Variants in YWHAZ observed in about 807,000 individuals in gnomAD.
The protein encoded by YWHAZ is tyrosine 3-monooxygenase/tryptophan 5-monooxygenase activation protein zeta, also known as 14-3-3 protein zeta/delta.
For synonymous variants in YWHAZ, 87 were observed against 103.6 expected, an observed-to-expected ratio of 0.84 and a Z score of 0.97; for missense variants, 79 against 284.8, an observed-to-expected ratio of 0.28 and a Z score of 5.20.
At chr8:100,949,899 CAA>C (rs1405918111) in intron 1 of YWHAZ, among the ~76,000 whole-genome samples, 2 of 152,178 alleles carry the variant, frequency 1.3e-5, no homozygotes, top group African/African-American at 4.8e-5. Flanking sequence ...CCGAACAGCA[CAA>C]AGATACTAAT....
At chr8:100,939,796 C>T (rs1276237824) in intron 2 of YWHAZ, among the ~76,000 whole-genome samples, 4 of 152,076 alleles carry the variant, frequency 2.6e-5, no homozygotes, top group African/African-American at 7.2e-5. Context: ...CCGAGGCAGG[C>T]GGATCACGAG....
rs1370854741 is a variant in YWHAZ at position 100,948,183 on chromosome 8, C to T, written c.294+413G>A. On this transcript the variant is annotated intron_variant, in intron 2 of 5. Transcript: ENST00000395958. This position sits in a 1 kb window ranked among gnomAD's most constrained non-coding sequence, Gnocchi z 4.2. ...ATAGCGGCTAATCCTGAGAAGAGTACTATTTCTACAATGAGTATCCTATTA... is the reference window on the plus strand; with the variant it reads ...ATAGCGGCTAATCCTGAGAAGAGTATTATTTCTACAATGAGTATCCTATTA... 3 of 1,498,064 alleles carry T rather than the reference C, an allele frequency of 2.0e-6. No individual in the cohort carries two copies. Among genetic ancestry groups the T allele is most frequent in the Non-Finnish European group, 2.7e-6 (3 of 1,122,378 alleles). 92.8% of individuals were successfully genotyped at this position (1,498,064 alleles called of 1,614,324 possible). A position where few individuals can be genotyped will look rare whatever the true frequency, so the allele number is the denominator to read the frequency against.
chr8:100,917,913 T>C lies in YWHAZ; in HGVS notation c.*2780A>G, dbSNP rs1290290812. Reference sequence around the variant, plus strand: ...CAGGTTGGAAATTTTCCTTAATCTATTGGGAACTACTATGTAGAAAACATT... The same window carrying C: ...CAGGTTGGAAATTTTCCTTAATCTACTGGGAACTACTATGTAGAAAACATT... On this transcript the variant is annotated 3_prime_UTR_variant, in exon 6 of 6. Transcript: ENST00000395958. 6.6e-6 allele frequency: 1 copy of C among 152,184 alleles called. No individual in the cohort carries two copies. Among genetic ancestry groups the C allele is most frequent in the Non-Finnish European group, 1.5e-5 (1 of 68,024 alleles). 9.4% of individuals were successfully genotyped at this position (152,184 alleles called of 1,614,324 possible). A position where few individuals can be genotyped will look rare whatever the true frequency, so the allele number is the denominator to read the frequency against.
intron 5 of YWHAZ, 115 bp downstream of exon 5, chr8:100,923,840 G>A: frequency 2.7e-6 from 2 of 732,216 alleles, no homozygotes; most frequent in East Asian, 2.7e-5. Context: ...GAGAGCCTAT[G>A]AAATGTGTTG....
At chr8:100,939,280 A>C (rs1361827802) in intron 2 of YWHAZ, among the ~76,000 whole-genome samples, 1 of 152,152 alleles carries the variant, frequency 6.6e-6, no homozygotes, top group Non-Finnish European at 1.5e-5. Flanking sequence ...GAGAATAAAA[A>C]CTGCCAAATT....
At chr8:100,932,070 T>C (rs1813802321) in intron 2 of YWHAZ, 1 of 152,220 alleles carries the variant, frequency 6.6e-6, no homozygotes, top group Non-Finnish European at 1.5e-5. Context: ...AACTCTGAAA[T>C]CTTCCTGGGT....
At chr8:100,952,821 C>T (rs553910272), upstream of YWHAZ, 198 of 1,000,546 alleles carry the variant, frequency 2.0e-4, no homozygotes, top group African/African-American at 3.2e-3. Flanking sequence ...CGGCCCCTCC[C>T]GGCCTCCCTC....
chr8:100,946,552 AAAACAAACAAAC>A (rs528889801), intron 2 of YWHAZ, among the ~76,000 whole-genome samples: 1 of 152,130 alleles, frequency 6.6e-6, no homozygotes, highest in East Asian at 1.9e-4. Flanking sequence ...ACTCAGTCTC[AAAACAAACAAAC>A]AAACAAACAT....
chr8:100,950,557 T>C (rs891436763), intron 1 of YWHAZ: 9 of 985,270 alleles, frequency 9.1e-6, no homozygotes, highest in Admixed American at 1.2e-4. Context: ...TCCTTTGTCA[T>C]GGCGGATCTG....
At position 100,918,361 on chromosome 8, in the gene YWHAZ, AC is replaced by A. The variant is rs1255890320; in HGVS notation, c.*2331del. The A allele has an allele frequency of 7.8e-3, 1,016 of 130,110 alleles. 34 individuals are homozygous for A. Among genetic ancestry groups the A allele is most frequent in the African/African-American group, 0.025 (881 of 35,952 alleles). 8.1% of individuals were successfully genotyped at this position (130,110 alleles called of 1,614,324 possible). ...CTTGTCTCCAAAAAAAAAAAAAACA[AC>A]AAAAAAATTCCCACCTCTTCAGTCT... On this transcript the variant is annotated 3_prime_UTR_variant, in exon 6 of 6. Transcript: ENST00000395958.
intron 1 of YWHAZ, chr8:100,951,272 C>G: frequency 1.0e-6 from 1 of 984,838 alleles, no homozygotes; most frequent in Non-Finnish European, 1.2e-6. Flanking sequence ...GGCTCCGGCC[C>G]GCTCTCGGCC....
upstream of YWHAZ, chr8:100,952,046 C>G: frequency 3.0e-6 from 3 of 989,820 alleles, no homozygotes; most frequent in Non-Finnish European, 3.6e-6. Context: ...TCACAGGCTA[C>G]AGCCGCTCCG....
At chr8:100,925,134 T>G in intron 2 of YWHAZ, 95 bp from the exon 3 acceptor site, 1 of 1,302,592 alleles carries the variant, frequency 7.7e-7, no homozygotes, top group Non-Finnish European at 1.0e-6. Context: ...GCCTAAGTTA[T>G]AAAACTTAAA....
At chr8:100,951,240 G>A (rs1810745383) in intron 1 of YWHAZ, 2 of 984,892 alleles carry the variant, frequency 2.0e-6, no homozygotes, top group Admixed American at 6.2e-5. Flanking sequence ...TCTACCTGGC[G>A]GGCGCCGCCG....
chr8:100,921,622 G>A (rs932674784), intron 5 of YWHAZ, among the ~76,000 whole-genome samples: 1 of 152,158 alleles, frequency 6.6e-6, no homozygotes, highest in Non-Finnish European at 1.5e-5. Flanking sequence ...TTATCAGGTT[G>A]GTGCAAAAGT....
intron 2 of YWHAZ, among the ~76,000 whole-genome samples, chr8:100,928,037 T>C (rs1044786287): frequency 2.0e-5 from 3 of 152,146 alleles, no homozygotes; most frequent in African/African-American, 7.2e-5. Flanking sequence ...CCCAACACTT[T>C]GGGAGGCTGA....
At position 100,924,159 on chromosome 8, in the gene YWHAZ, C is replaced by T; in HGVS notation, c.558G>A (p.Glu186=). Residue 186 remains glutamate, a synonymous_variant, in exon 4 of 6, where the codon GAG becomes GAA. Transcript: ENST00000395958. The surrounding 1 kb of genome is among the most constrained non-coding windows in gnomAD (Gnocchi z 5.7). ...CTGTCTTTGCAAGAGAGCAGGCTTT[C>T]TCTGGGGAGTTCAGAATCTCATAAT... ...VFYYEILNSP[E]KACSLAKTAF... 3 of 1,613,030 alleles carry T rather than the reference C, an allele frequency of 1.9e-6. No individual in the cohort carries two copies. The highest frequency in any genetic ancestry group is 1.7e-4 in the Middle Eastern group (1 of 6,060).
intron 2 of YWHAZ, among the ~76,000 whole-genome samples, chr8:100,941,709 C>T (rs576092150): frequency 2.6e-5 from 4 of 151,612 alleles, no homozygotes; most frequent in African/African-American, 9.7e-5. Flanking sequence ...CGCTTGAACC[C>T]GGAAGGTGGA....
intron 1 of YWHAZ, chr8:100,950,449 C>T (rs1810631425): frequency 1.0e-6 from 1 of 985,544 alleles, no homozygotes; most frequent in Non-Finnish European, 1.2e-6. Flanking sequence ...ACGGGCAGAC[C>T]CGGACTTTAA....
Sources: gnomAD v4.1 joint callset for allele counts (sites outside exome capture counted in the v4.1 genomes callset) on GRCh38, gnomAD v4.1.1 for gene constraint, Gnocchi (gnomAD v3.1) non-coding constraint, MANE v1.5 for transcripts, NCBI Gene and HGNC (gene_info 2026-07-23, HGNC 2026-07-21) for gene names.